Variants in UTRN observed in about 807,000 individuals in gnomAD.
The protein encoded by UTRN is utrophin, also known as dystrophin-related protein 1.
In UTRN, 283 loss-of-function variants were observed where a neutral mutation model predicts 463.9. The ratio of observed to expected loss-of-function variants is 0.61; its 90% CI spans 0.55 to 0.67. The LOEUF (loss-of-function observed/expected upper bound fraction) is 0.67, where lower values mean the gene tolerates loss of function less well. UTRN is among the 30% of genes least tolerant of loss of function. The pLI is 0.00. For missense variants in UTRN, 3,922 were observed against 4,084.3 expected (o/e 0.96, Z 1.08); for synonymous variants, 1,442 against 1,431.5 (o/e 1.01, Z -0.17).
rs1373742901 is a variant in UTRN, at chr6:144,542,522, A to T, written c.6520-273A>T. On this transcript the variant is annotated intron_variant, in intron 45 of 74. Transcript: ENST00000367545. Reference sequence around the variant, plus strand: ...GGAGGAAAGCCAGAATTGCAGAGTAATAACAGAATTCAAGGGAGGGGGAGT... The same window carrying T: ...GGAGGAAAGCCAGAATTGCAGAGTATTAACAGAATTCAAGGGAGGGGGAGT... Among the ~76,000 whole-genome samples, 3 of 152,178 alleles carry T rather than the reference A, an allele frequency of 2.0e-5. No individual in the cohort carries two copies. In the South Asian group the frequency reaches 6.2e-4, roughly 32 times the overall value.
At position 144,459,195 on chromosome 6, in the gene UTRN, G is replaced by A. The variant is rs766135467; in HGVS notation, c.2548G>A (p.Gly850Ser). 1 of 1,612,098 alleles carries A rather than the reference G, an allele frequency of 6.2e-7. No individual in the cohort carries two copies. Among genetic ancestry groups the A allele is most frequent in the South Asian group, 1.1e-5 (1 of 90,682 alleles). ...SCQRELTNLL[G>S]LHPKIEMARA... ...TTAGCGGGAATTGACAAATCTTCTT[G>A]GCCTTCACCCCAAAATTGAAATGGC... The change falls in exon 21 of 75, where the codon GGC becomes AGC. Residue 850 changes from glycine to serine, a missense_variant. Physicochemically the swap from Gly to Ser is moderately conservative, Grantham distance 56. Coordinates refer to ENST00000367545, the MANE Select transcript of UTRN (RefSeq NM_007124.3).
chr6:144,516,265 G>T lies in UTRN; in HGVS notation c.5281G>T (p.Val1761Phe). The T allele has an allele frequency of 1.2e-6, 2 of 1,613,628 alleles. No homozygotes were observed. The highest frequency in any genetic ancestry group is 1.7e-6 in the Non-Finnish European group (2 of 1,179,874). The change falls in exon 38 of 75, where the codon GTC becomes TTC. Residue 1761 changes from valine to phenylalanine, a missense_variant. By Grantham distance (50) the Val-to-Phe change is conservative. Coordinates refer to ENST00000367545, the MANE Select transcript of UTRN (RefSeq NM_007124.3). ...IAQEPLYQCL[V>F]TTETFETGVP... ...TCAGGAACCATTATACCAATGTTTG[G>T]TCACCACTGAAACATTTGAAACTGG...
chr6:144,325,181 TC>T (rs58196927), intron 2 of UTRN, among the ~76,000 whole-genome samples: 5,970 of 152,176 alleles, frequency 0.039, 415 homozygotes, highest in African/African-American at 0.14. Context: ...GCTTGAAGTG[TC>T]CCCCGAATTT....
At chr6:144,789,896 A>T (rs549885191) in intron 62 of UTRN, among the ~76,000 whole-genome samples, 3 of 152,204 alleles carry the variant, frequency 2.0e-5, no homozygotes, top group Admixed American at 2.0e-4. Context: ...AATGAAAGGT[A>T]TATTGGCTTT....
chr6:144,474,687 T>C lies in UTRN; in HGVS notation c.3264T>C (p.Val1088=). The C allele has an allele frequency of 6.2e-7, 1 of 1,614,094 alleles. No homozygotes were observed. The highest frequency in any genetic ancestry group is 8.5e-7 in the Non-Finnish European group (1 of 1,179,982). ...AGACTAATCTTCGAAGTGGTCCAGT[T>C]GCTGGAATAAAAACTTGGGTGCAGA... is the stretch of plus-strand genomic sequence containing the variant. ...EIETNLRSGP[V]AGIKTWVQTR... Residue 1088 remains valine (V), a synonymous_variant, in exon 25 of 75, where the codon GTT becomes GTC. Coordinates refer to ENST00000367545, the MANE Select transcript of UTRN (RefSeq NM_007124.3).
chr6:144,359,720 GT>G lies in UTRN; in HGVS notation c.80-43389del, dbSNP rs560188157. Among the ~76,000 whole-genome samples, 1,338 of 139,064 alleles carry G rather than the reference GT, an allele frequency of 9.6e-3. 8 individuals carry two copies. The highest frequency in any genetic ancestry group is 0.013 in the Non-Finnish European group (838 of 63,670). The allele number at this position is 139,064 out of a possible 152,430, so 91.2% of individuals were successfully genotyped here. On this transcript the variant is annotated intron_variant, in intron 2 of 74. Transcript: ENST00000367545. ...TGGTAAAAACCTTTGTCTACGCATCGTTTTTTTTTTTTTTCTTTTTTAGTTA... is the reference window on the plus strand; with the variant it reads ...TGGTAAAAACCTTTGTCTACGCATCGTTTTTTTTTTTTTCTTTTTTAGTTA...
intron 2 of UTRN, among the ~76,000 whole-genome samples, chr6:144,334,198 T>A (rs1186606012): frequency 6.6e-6 from 1 of 152,026 alleles, no homozygotes; most frequent in Non-Finnish European, 1.5e-5. Flanking sequence ...GTGCTTTGAG[T>A]GTCTTAATTT....
chr6:144,416,074 G>T (rs1194032833), intron 3 of UTRN, among the ~76,000 whole-genome samples: 8 of 150,832 alleles, frequency 5.3e-5, no homozygotes, highest in African/African-American at 1.7e-4. Flanking sequence ...TGTGTGTGTG[G>T]GTGTGTGCAT....
At chr6:144,658,861 G>A (rs1273587885) in intron 51 of UTRN, among the ~76,000 whole-genome samples, 2 of 152,172 alleles carry the variant, frequency 1.3e-5, no homozygotes, top group African/African-American at 4.8e-5. Flanking sequence ...GGAAGATGGT[G>A]TTTCTCTGAG....
chr6:144,343,742 T>A (rs77596308), intron 2 of UTRN, among the ~76,000 whole-genome samples: 9,733 of 152,124 alleles, frequency 0.064, 1,041 homozygotes, highest in African/African-American at 0.22. Flanking sequence ...ACTACTATAG[T>A]GAAATAATAA....
At chr6:144,357,852 T>G (rs928092540) in intron 2 of UTRN, among the ~76,000 whole-genome samples, 6 of 152,268 alleles carry the variant, frequency 3.9e-5, no homozygotes, top group African/African-American at 1.4e-4. Context: ...AGTAAACTTA[T>G]ATCAAAAGCC....
intron 51 of UTRN, chr6:144,583,426 G>T (rs1031482856): frequency 1.6e-6 from 1 of 643,724 alleles, no homozygotes; most frequent in Non-Finnish European, 2.9e-6. Flanking sequence ...TCCAGTGACC[G>T]GGAGGAAATG....
Position 144,636,230 on chromosome 6 carries a change from C to T in UTRN, c.7480-42176C>T, listed in dbSNP as rs116822133. Among the ~76,000 whole-genome samples the T allele has an allele frequency of 1.6e-3, 243 of 152,236 alleles. 1 individual carries two copies. Among genetic ancestry groups the T allele is most frequent in the African/African-American group, 5.7e-3 (235 of 41,534 alleles). On this transcript the variant is annotated intron_variant, in intron 51 of 74. Coordinates refer to ENST00000367545, the MANE Select transcript of UTRN (RefSeq NM_007124.3). The stretch of plus-strand genomic sequence containing the variant: ...TATGCAGCCATAAAAAATGAGTTCA[C>T]GTCCCTTGCAAGGACATAGATGAAG...
At chr6:144,536,267 A>C (rs944669089) in intron 43 of UTRN, among the ~76,000 whole-genome samples, 2 of 152,198 alleles carry the variant, frequency 1.3e-5, no homozygotes, top group Non-Finnish European at 2.9e-5. Flanking sequence ...TTCTGTTTTG[A>C]AAGTACTAAA....
chr6:144,774,451 G>A, intron 60 of UTRN, 87 bp downstream of exon 60: 1 of 1,242,220 alleles, frequency 8.1e-7, no homozygotes, highest in Non-Finnish European at 1.1e-6. Flanking sequence ...AGAGGATGGA[G>A]TGTTTGCCAA....
chr6:144,402,683 G>A (rs554094820), intron 2 of UTRN, among the ~76,000 whole-genome samples: 2 of 152,226 alleles, frequency 1.3e-5, no homozygotes, highest in East Asian at 3.9e-4. Context: ...GTATGAAGAG[G>A]GAGGAAGTCA....
At chr6:144,375,454 G>A (rs946291426) in intron 2 of UTRN, among the ~76,000 whole-genome samples, 3 of 152,018 alleles carry the variant, frequency 2.0e-5, no homozygotes, top group African/African-American at 7.2e-5. Flanking sequence ...TTTCATTTCT[G>A]GATTTCTTTC....
chr6:144,504,473 C>CT (rs1794520562), intron 34 of UTRN, among the ~76,000 whole-genome samples: 2 of 152,128 alleles, frequency 1.3e-5, no homozygotes, highest in Non-Finnish European at 2.9e-5. Context: ...TATCAAAGGC[C>CT]TTTTCTGCAT....
chr6:144,760,579 A>G (rs902085469), intron 58 of UTRN, among the ~76,000 whole-genome samples: 1 of 152,222 alleles, frequency 6.6e-6, no homozygotes. Flanking sequence ...AAGAAGGAAC[A>G]TCAAATTCTG....
Sources: gnomAD v4.1 joint callset for allele counts (sites outside exome capture counted in the v4.1 genomes callset) on GRCh38, gnomAD v4.1.1 for gene constraint, MANE v1.5 for transcripts, NCBI Gene and HGNC (gene_info 2026-07-23, HGNC 2026-07-21) for gene names.